Variants in SLC35F4 observed in about 807,000 individuals in gnomAD.
SLC35F4 encodes the protein chromosome 14 open reading frame 36.
SLC35F4 carries 24 observed loss-of-function variants against 44.2 expected under a neutral mutation model. That is an observed-to-expected ratio of 0.54 (90% CI 0.39 to 0.76). The LOEUF (loss-of-function observed/expected upper bound fraction) is 0.76, where lower values mean the gene tolerates loss of function less well. SLC35F4 is among the 30% of genes least tolerant of loss of function. The pLI is 0.00. For missense variants in SLC35F4, 562 were observed against 586.1 expected (o/e 0.96, Z 0.42); for synonymous variants, 238 against 223.6 (o/e 1.06, Z -0.57).
intron 1 of SLC35F4, among the ~76,000 whole-genome samples, chr14:57,756,402 G>A (rs1220261808): frequency 6.6e-6 from 1 of 151,792 alleles, no homozygotes; most frequent in Non-Finnish European, 1.5e-5. Flanking sequence ...TCTGAATATT[G>A]GAATGAAATT....
chr14:57,907,079 A>G (rs1446998323), intron 1 of SLC35F4, among the ~76,000 whole-genome samples: 1 of 152,164 alleles, frequency 6.6e-6, no homozygotes, highest in Non-Finnish European at 1.5e-5. Flanking sequence ...ATAATTTGCA[A>G]GATTTATTTA....
In SLC35F4 at chr14:57,928,150, C is replaced by T. The variant is rs144455507; in HGVS notation, n.282+53763G>A. 2.6e-5 allele frequency among the ~76,000 whole-genome samples: 4 copies of T among 152,072 alleles called. No individual in the cohort carries two copies. The East Asian group carries it at 7.8e-4, about 29-fold the overall frequency. Reference sequence around the variant, plus strand: ...TGATCCTTACCATGCTATAATGAGGCACTCAATCCCCCAGCCAGGGTGGTA... The same window carrying T: ...TGATCCTTACCATGCTATAATGAGGTACTCAATCCCCCAGCCAGGGTGGTA... On this transcript the variant is annotated intron_variant and non_coding_transcript_variant, in intron 1 of 1. Transcript: ENST00000556568.
At chr14:57,828,771 C>T (rs1053304543) in intron 1 of SLC35F4, among the ~76,000 whole-genome samples, 4 of 152,094 alleles carry the variant, frequency 2.6e-5, no homozygotes, top group Non-Finnish European at 5.9e-5. Context: ...CTCTGGGCAA[C>T]CCGAGGTCTG....
chr14:57,688,904 A>C (rs2075144715), intron 1 of SLC35F4, among the ~76,000 whole-genome samples: 1 of 152,204 alleles, frequency 6.6e-6, no homozygotes, highest in Admixed American at 6.5e-5. Flanking sequence ...AACCTGGTTA[A>C]AACAGTGCTG....
At chr14:57,564,892 T>C (rs1396550451) in intron 7 of SLC35F4, among the ~76,000 whole-genome samples, 1 of 152,178 alleles carries the variant, frequency 6.6e-6, no homozygotes, top group Non-Finnish European at 1.5e-5. Flanking sequence ...CATTAACTCC[T>C]CAGCTTCTTA....
At chr14:57,898,308 A>G (rs1311082936) in intron 1 of SLC35F4, among the ~76,000 whole-genome samples, 1 of 152,262 alleles carries the variant, frequency 6.6e-6, no homozygotes, top group African/African-American at 2.4e-5. Context: ...ATGGCACCAC[A>G]TCAGTGTGCT....
intron 1 of SLC35F4, among the ~76,000 whole-genome samples, chr14:57,962,679 C>G (rs886292668): frequency 6.6e-6 from 1 of 152,160 alleles, no homozygotes; most frequent in Non-Finnish European, 1.5e-5. Flanking sequence ...ATCGCTTGGC[C>G]GTGCTTCTTT....
chr14:57,666,100 C>T (rs771352630), intron 1 of SLC35F4, among the ~76,000 whole-genome samples: 8 of 152,108 alleles, frequency 5.3e-5, no homozygotes, highest in Non-Finnish European at 1.0e-4. Flanking sequence ...AAACCAGCAG[C>T]GTACCCCTGA....
chr14:57,944,695 A>AAAGAAAGAAAG (rs1201207131), intron 1 of SLC35F4, among the ~76,000 whole-genome samples: 30 of 116,068 alleles, frequency 2.6e-4, no homozygotes, highest in African/African-American at 6.2e-4. Context: ...AGAAAGAAAG[A>AAAGAAAGAAAG]AAAGAAAGAA....
chr14:57,687,918 G>T (rs2075114123), intron 1 of SLC35F4, among the ~76,000 whole-genome samples: 1 of 152,202 alleles, frequency 6.6e-6, no homozygotes, highest in African/African-American at 2.4e-5. Context: ...GCGCATTCAG[G>T]TTAAAATTGT....
chr14:57,646,587 G>T (rs552343461), intron 1 of SLC35F4, among the ~76,000 whole-genome samples: 5 of 152,048 alleles, frequency 3.3e-5, no homozygotes, highest in Admixed American at 6.5e-5. Context: ...TGGATTCATT[G>T]ATTTTTTGAA....
intron 1 of SLC35F4, among the ~76,000 whole-genome samples, chr14:57,685,228 T>C (rs1206630863): frequency 6.6e-6 from 1 of 152,170 alleles, no homozygotes; most frequent in Non-Finnish European, 1.5e-5. Flanking sequence ...CCACTTCTGG[T>C]GGCATCAATT....
intron 1 of SLC35F4, among the ~76,000 whole-genome samples, chr14:57,958,635 G>A (rs28629433): frequency 2.0e-4 from 30 of 152,274 alleles, no homozygotes; most frequent in Middle Eastern, 3.4e-3. Flanking sequence ...TACTTTAAAA[G>A]GGTGAGTGTT....
At chr14:57,673,364 A>G (rs1424872888) in intron 1 of SLC35F4, among the ~76,000 whole-genome samples, 4 of 152,038 alleles carry the variant, frequency 2.6e-5, no homozygotes, top group Non-Finnish European at 5.9e-5. Flanking sequence ...TTGATTCCCA[A>G]CTCCAGCACT....
chr14:57,621,575 C>T (rs959819649), intron 1 of SLC35F4, among the ~76,000 whole-genome samples: 10 of 152,154 alleles, frequency 6.6e-5, no homozygotes, highest in African/African-American at 1.2e-4. Flanking sequence ...GAAAGGATTC[C>T]GTATTTAATA....
chr14:57,721,078 C>A (rs2076076937), intron 1 of SLC35F4, among the ~76,000 whole-genome samples: 1 of 140,494 alleles, frequency 7.1e-6, no homozygotes. Flanking sequence ...TCTAGAGAAC[C>A]ATGAGTAATA....
chr14:57,636,639 G>C (rs1357417349), intron 1 of SLC35F4, among the ~76,000 whole-genome samples: 1 of 152,014 alleles, frequency 6.6e-6, no homozygotes, highest in African/African-American at 2.4e-5. Flanking sequence ...GTCAGGGATT[G>C]TGCTAAAATT....
At chr14:57,710,986 G>T (rs894490830) in intron 1 of SLC35F4, among the ~76,000 whole-genome samples, 3 of 152,070 alleles carry the variant, frequency 2.0e-5, no homozygotes, top group African/African-American at 7.2e-5. Flanking sequence ...ATTGTGTTTT[G>T]AAATGTGAGG....
intron 1 of SLC35F4, among the ~76,000 whole-genome samples, chr14:57,827,215 G>A (rs144532901): frequency 1.2e-3 from 178 of 152,268 alleles, no homozygotes; most frequent in African/African-American, 4.0e-3. Context: ...GCATGGACAT[G>A]GATGGAGCTG....
Sources: gnomAD v4.1 joint callset for allele counts (sites outside exome capture counted in the v4.1 genomes callset) on GRCh38, gnomAD v4.1.1 for gene constraint, MANE v1.5 for transcripts, NCBI Gene and HGNC (gene_info 2026-07-23, HGNC 2026-07-21) for gene names.